Variants in PRKCB observed in about 807,000 individuals in gnomAD.
PRKCB encodes the protein protein kinase C beta, also known as protein kinase C beta type.
In PRKCB, 13 loss-of-function variants were observed where a neutral mutation model predicts 81.5. The observed-to-expected ratio is 0.16, with a 90% confidence interval of 0.10 to 0.25. The LOEUF is 0.25. PRKCB is among the 10% of genes least tolerant of loss of function. The probability of loss-of-function intolerance (pLI) is 1.00; values close to 1 mark genes in which losing one functional copy is unlikely to be tolerated. For synonymous variants in PRKCB, 335 were observed against 321.4 expected, an observed-to-expected ratio of 1.04 and a Z score of -0.45; for missense variants, 509 against 875.7, an observed-to-expected ratio of 0.58 and a Z score of 5.29.
chr16:24,214,572 C>A, intron 16 of PRKCB, 86 bp from the exon 17 acceptor site: 2 of 1,087,584 alleles, frequency 1.8e-6, no homozygotes, highest in Non-Finnish European at 2.7e-6. Context: ...AAAGCACACC[C>A]AATTATGCTA....
rs967170734 is a variant in PRKCB at position 23,903,768 on chromosome 16, A to G, written c.205+66362A>G. ...TCTTCTCTTTACATGGTGAGCTCTC[A>G]CTCTAGTCTCAACTTAAATGTCTCC... On this transcript the variant is annotated intron_variant, in intron 2 of 16. Transcript: ENST00000643927. 2.6e-5 allele frequency among the ~76,000 whole-genome samples: 4 copies of G among 151,980 alleles called. 1 individual carries two copies. Among genetic ancestry groups the G allele is most frequent in the African/African-American group, 7.2e-5 (3 of 41,382 alleles).
chr16:24,007,892 G>A (rs189569270), intron 3 of PRKCB, among the ~76,000 whole-genome samples: 35 of 151,978 alleles, frequency 2.3e-4, no homozygotes, highest in African/African-American at 7.5e-4. Flanking sequence ...GAGACCTCAC[G>A]TTTCCTAGTC....
chr16:24,028,098 C>CA, intron 3 of PRKCB, among the ~76,000 whole-genome samples: 1 of 151,526 alleles, frequency 6.6e-6, no homozygotes. Context: ...TTTCTTTTTT[C>CA]TTTTTTTTGA....
intron 8 of PRKCB, among the ~76,000 whole-genome samples, chr16:24,116,155 AGT>A (rs1966735349): frequency 1.3e-5 from 2 of 152,248 alleles, no homozygotes; most frequent in South Asian, 4.2e-4. Flanking sequence ...GCCATTAGTG[AGT>A]GTATTCCTGT....
chr16:23,914,074 C>G (rs1418293397), intron 2 of PRKCB, among the ~76,000 whole-genome samples: 2 of 152,154 alleles, frequency 1.3e-5, no homozygotes, highest in Non-Finnish European at 2.9e-5. Context: ...ACAATCATAG[C>G]TCACTGCAGC....
chr16:23,937,488 A>G (rs1964078970), intron 2 of PRKCB, among the ~76,000 whole-genome samples: 1 of 152,200 alleles, frequency 6.6e-6, no homozygotes, highest in Non-Finnish European at 1.5e-5. Flanking sequence ...AGCATTTACA[A>G]GTTTGCCCTC....
At chr16:23,918,380 T>A (rs1204236174) in intron 2 of PRKCB, among the ~76,000 whole-genome samples, 1 of 151,072 alleles carries the variant, frequency 6.6e-6, no homozygotes, top group Non-Finnish European at 1.5e-5. Flanking sequence ...GTGTTACCTT[T>A]TTATTATTAT....
intron 2 of PRKCB, among the ~76,000 whole-genome samples, chr16:23,915,633 A>G (rs1963725341): frequency 7.8e-6 from 1 of 127,394 alleles, no homozygotes. Flanking sequence ...TGGAGGCTGC[A>G]GTGAGCTTTG....
At chr16:23,936,414 G>A (rs1964058202) in intron 2 of PRKCB, among the ~76,000 whole-genome samples, 1 of 151,902 alleles carries the variant, frequency 6.6e-6, no homozygotes, top group Non-Finnish European at 1.5e-5. Flanking sequence ...TAAAATAGAT[G>A]TAGAGTATAT....
At chr16:23,915,555 A>G (rs940516348) in intron 2 of PRKCB, among the ~76,000 whole-genome samples, 6 of 151,908 alleles carry the variant, frequency 3.9e-5, no homozygotes, top group African/African-American at 9.7e-5. Flanking sequence ...ACAAAAATTG[A>G]TGACCTGCAC....
chr16:23,862,040 A>G (rs751699545), intron 2 of PRKCB, among the ~76,000 whole-genome samples: 15 of 151,970 alleles, frequency 9.9e-5, no homozygotes, highest in Admixed American at 2.6e-4. Context: ...TTCCTGGTTG[A>G]TTAGCTTCTC....
intron 2 of PRKCB, among the ~76,000 whole-genome samples, chr16:23,863,327 T>C (rs1962716721): frequency 6.6e-6 from 1 of 151,152 alleles, no homozygotes; most frequent in African/African-American, 2.4e-5. Context: ...CTCTTACTTT[T>C]AGGAACCCCC....
intron 2 of PRKCB, among the ~76,000 whole-genome samples, chr16:23,959,568 C>T (rs1254422780): frequency 6.6e-6 from 1 of 152,198 alleles, no homozygotes; most frequent in African/African-American, 2.4e-5. Flanking sequence ...AAATCGAGGA[C>T]TTCTGCACAG....
chr16:24,212,478 T>C (rs1425498111), intron 16 of PRKCB, among the ~76,000 whole-genome samples: 2 of 143,876 alleles, frequency 1.4e-5, no homozygotes, highest in African/African-American at 5.2e-5. Context: ...TTTTTTTTTT[T>C]TTTTTTTTTC....
At chr16:23,945,108 G>T (rs991340206) in intron 2 of PRKCB, among the ~76,000 whole-genome samples, 5 of 152,198 alleles carry the variant, frequency 3.3e-5, no homozygotes, top group African/African-American at 4.8e-5. Flanking sequence ...TGGAGAGGCT[G>T]CAGGACAGAG....
chr16:23,860,588 A>G (rs2141089908), intron 2 of PRKCB, among the ~76,000 whole-genome samples: 1 of 152,220 alleles, frequency 6.6e-6, no homozygotes, highest in African/African-American at 2.4e-5. Context: ...GTAGTTTTAA[A>G]AGAAATTCTC....
At chr16:23,890,940 C>T (rs1009815307) in intron 2 of PRKCB, among the ~76,000 whole-genome samples, 3 of 151,494 alleles carry the variant, frequency 2.0e-5, no homozygotes, top group Non-Finnish European at 4.4e-5. Flanking sequence ...GGACATTTAT[C>T]TTTATATATG....
intron 16 of PRKCB, among the ~76,000 whole-genome samples, chr16:24,197,510 T>G (rs1967897239): frequency 6.7e-6 from 1 of 150,148 alleles, no homozygotes; most frequent in African/African-American, 2.4e-5. Flanking sequence ...GAAAAGGGGG[T>G]GTGAGATCAG....
In PRKCB at chr16:23,875,478, AAGATAT is replaced by A. The variant is rs1324865209; in HGVS notation, c.205+38074_205+38079del. ...CTAGACATGTTTTGCTTCAACTAAA[AAGATAT>A]ATATATATATATATATATATATGAT... is the stretch of plus-strand genomic sequence containing the variant. On this transcript the variant is annotated intron_variant, in intron 2 of 16. Coordinates refer to ENST00000643927, the MANE Select transcript of PRKCB (RefSeq NM_002738.7). 1.2e-3 allele frequency among the ~76,000 whole-genome samples: 22 copies of A among 18,804 alleles called. 1 individual carries two copies. The highest frequency in any genetic ancestry group is 6.2e-3 in the African/African-American group (21 of 3,368). The allele number at this position is 18,804 out of a possible 152,430, so 12.3% of individuals were successfully genotyped here.
Sources: gnomAD v4.1 joint callset for allele counts (sites outside exome capture counted in the v4.1 genomes callset) on GRCh38, gnomAD v4.1.1 for gene constraint, MANE v1.5 for transcripts, NCBI Gene and HGNC (gene_info 2026-07-23, HGNC 2026-07-21) for gene names.